The following USP26 variants were observed in gnomAD, a reference collection of about 807,000 sequenced individuals.
USP26 encodes the protein ubiquitin specific peptidase 26.
For synonymous variants in USP26, 236 were observed against 240.6 expected (o/e 0.98, Z 0.18); for missense variants, 649 against 642.3 (o/e 1.01, Z -0.11).
rs1485820397 is a variant in USP26 at position 133,023,823 on chromosome X, G to A, written c.*1656C>T. ...TAAAATCCAACTCACCTATTTTAAA[G>A]GACCCTAGGCTTAAGAGCATCAACA... is the stretch of plus-strand genomic sequence containing the variant. On this transcript the variant is annotated 3_prime_UTR_variant, in exon 6 of 6. Transcript: ENST00000511190. Among the ~76,000 whole-genome samples the A allele has an allele frequency of 8.9e-6, 1 of 111,745 alleles. No homozygotes were observed. Among genetic ancestry groups the A allele is most frequent in the African/African-American group, 3.3e-5 (1 of 30,720 alleles).
chrX:133,037,951 G>A (rs2067401690), intron 5 of USP26, among the ~76,000 whole-genome samples: 2 of 111,297 alleles, frequency 1.8e-5, no homozygotes, highest in African/African-American at 6.5e-5. Context: ...GTTTACTCAT[G>A]ATTTGGCTCT....
At chrX:133,055,943 GTTAGAGC>G (rs2067473805) in intron 5 of USP26, among the ~76,000 whole-genome samples, 2 of 111,779 alleles carry the variant, frequency 1.8e-5, no homozygotes, top group Non-Finnish European at 3.8e-5. Context: ...CGTATTGGGG[GTTAGAGC>G]TTCAAAATAT....
intron 5 of USP26, among the ~76,000 whole-genome samples, chrX:133,031,396 C>T (rs985037966): frequency 8.9e-6 from 1 of 111,975 alleles, no homozygotes; most frequent in Non-Finnish European, 1.9e-5. Context: ...TCTATTAGGG[C>T]CCATTAAACA....
At chrX:133,046,792 A>T (rs1180245071) in intron 5 of USP26, among the ~76,000 whole-genome samples, 6 of 112,325 alleles carry the variant, frequency 5.3e-5, no homozygotes, top group African/African-American at 1.9e-4. Flanking sequence ...TTGGAAAAAA[A>T]GGAACCCATA....
chrX:133,062,451 T>C (rs2067496717), intron 5 of USP26, among the ~76,000 whole-genome samples: 1 of 112,130 alleles, frequency 8.9e-6, no homozygotes, highest in Non-Finnish European at 1.9e-5. Flanking sequence ...CTGACCCCTG[T>C]GCCTCCTGAC....
intron 4 of USP26, among the ~76,000 whole-genome samples, chrX:133,089,031 G>T (rs769197161): frequency 1.8e-5 from 2 of 108,115 alleles, no homozygotes; most frequent in South Asian, 8.2e-4. Flanking sequence ...ATGGTTTAAA[G>T]TAATTTAGCC....
At chrX:133,043,400 A>G (rs1173988188) in intron 5 of USP26, among the ~76,000 whole-genome samples, 1 of 112,455 alleles carries the variant, frequency 8.9e-6, no homozygotes, top group Non-Finnish European at 1.9e-5. Flanking sequence ...CTTTCTGTCC[A>G]GAGTAACCCT....
chrX:133,056,064 G>A (rs1301522482), intron 5 of USP26, among the ~76,000 whole-genome samples: 1 of 111,602 alleles, frequency 9.0e-6, no homozygotes, highest in African/African-American at 3.3e-5. Context: ...TTTTCTCTAC[G>A]TGGAAATAAT....
At chrX:133,056,887 G>A (rs2067477328) in intron 5 of USP26, among the ~76,000 whole-genome samples, 1 of 111,267 alleles carries the variant, frequency 9.0e-6, no homozygotes, top group African/African-American at 3.3e-5. Flanking sequence ...TGCATTCACA[G>A]GTCTGGCTAA....
intron 3 of USP26, among the ~76,000 whole-genome samples, chrX:133,090,430 A>G (rs1467943107): frequency 2.7e-5 from 3 of 112,464 alleles, no homozygotes; most frequent in Non-Finnish European, 5.6e-5. Flanking sequence ...GGGAAAGACC[A>G]CATTCCAGAA....
intron 5 of USP26, among the ~76,000 whole-genome samples, chrX:133,077,525 T>C (rs1301978483): frequency 8.9e-6 from 1 of 112,125 alleles, no homozygotes; most frequent in Non-Finnish European, 1.9e-5. Context: ...TTTTCAGATA[T>C]ACTACAAAGA....
At chrX:133,071,248 T>C (rs1308508070) in intron 5 of USP26, among the ~76,000 whole-genome samples, 1 of 110,033 alleles carries the variant, frequency 9.1e-6, no homozygotes, top group African/African-American at 3.3e-5. Context: ...CATAAATAAA[T>C]GGTACTGGAT....
intron 5 of USP26, among the ~76,000 whole-genome samples, chrX:133,076,600 A>T (rs895238406): frequency 1.8e-5 from 2 of 112,108 alleles, no homozygotes; most frequent in African/African-American, 6.5e-5. Context: ...AGATTGAGTT[A>T]CAAAAAGACT....
At chrX:133,084,679 CA>C (rs1456166736) in intron 4 of USP26, among the ~76,000 whole-genome samples, 3 of 109,217 alleles carry the variant, frequency 2.7e-5, no homozygotes, top group Non-Finnish European at 5.7e-5. Context: ...GTGCCTGGCC[CA>C]TAACTTCTTA....
intron 4 of USP26, among the ~76,000 whole-genome samples, chrX:133,084,123 T>C (rs897976612): frequency 8.9e-6 from 1 of 112,480 alleles, no homozygotes; most frequent in Non-Finnish European, 1.9e-5. Flanking sequence ...CTGAAGATTC[T>C]GCCTGATCCA....
chrX:133,026,719 T>C lies in USP26; in HGVS notation c.1502A>G (p.His501Arg). ...ELEYKCAKCE[H>R]KTSVGVHSFS... is the part of the protein sequence containing the mutation. ...TGAGTGCACTCCAACGGAAGTCTTG[T>C]GCTCACATTTTGCACATTTATACTC... The change falls in exon 6 of 6, where the codon CAC becomes CGC. Residue 501 changes from histidine to arginine, a missense_variant. Transcript: ENST00000511190. 8.3e-7 allele frequency: 1 copy of C among 1,210,844 alleles called. No individual in the cohort carries two copies. The highest frequency in any genetic ancestry group is 1.8e-5 in the South Asian group (1 of 56,913).
chrX:133,035,180 G>A (rs761172550), intron 5 of USP26, among the ~76,000 whole-genome samples: 1 of 111,991 alleles, frequency 8.9e-6, no homozygotes, highest in African/African-American at 3.2e-5. Context: ...CATGGCAAAA[G>A]GAGGCAAAAG....
At chrX:133,031,838 A>T (rs1268771653) in intron 5 of USP26, among the ~76,000 whole-genome samples, 1 of 112,046 alleles carries the variant, frequency 8.9e-6, no homozygotes, top group African/African-American at 3.2e-5. Flanking sequence ...GATGGTGGCA[A>T]CTGCTAAAGA....
Position 133,026,810 on chromosome X carries a change from T to C in USP26, c.1411A>G (p.Arg471Gly). 21 of 1,211,514 alleles carry C rather than the reference T, an allele frequency of 1.7e-5. No individual in the cohort carries two copies. Among genetic ancestry groups the C allele is most frequent in the Non-Finnish European group, 2.3e-5 (21 of 895,411 alleles). Residue 471 changes from arginine to glycine, a missense_variant, in exon 6 of 6, where the codon AGA becomes GGA. Transcript: ENST00000511190. ...NNYLSINLPQ[R>G]IKAHPSSIQS... ...ATAGATGAAGGATGTGCTTTTATTC[T>C]TTGGGGAAGGTTGATGGAGAGGTAA...
Sources: gnomAD v4.1 joint callset for allele counts (sites outside exome capture counted in the v4.1 genomes callset) on GRCh38, gnomAD v4.1.1 for gene constraint, MANE v1.5 for transcripts, NCBI Gene and HGNC (gene_info 2026-07-23, HGNC 2026-07-21) for gene names.